The following XRN1 variants were observed in gnomAD, a reference collection of about 807,000 sequenced individuals.
The protein encoded by XRN1 is strand-exchange protein 1 homolog.
A neutral mutation model predicts 222.3 loss-of-function variants in XRN1; 67 were observed. The observed-to-expected ratio is 0.30, with a 90% CI of 0.25 to 0.37. The LOEUF (loss-of-function observed/expected upper bound fraction) is 0.37. Among genes scored for constraint, XRN1 ranks in the 10% least tolerant of loss-of-function variants. The pLI, the probability that XRN1 is intolerant of heterozygous loss-of-function variation, is 1.00. For missense variants in XRN1, 1,707 were observed against 2,000.2 expected, an observed-to-expected ratio of 0.85 and a Z score of 2.80; for synonymous variants, 643 against 652.4, an observed-to-expected ratio of 0.99 and a Z score of 0.22.
At chr3:142,358,054 C>A (rs1249080587) in intron 30 of XRN1, among the ~76,000 whole-genome samples, 1 of 151,808 alleles carries the variant, frequency 6.6e-6, no homozygotes, top group East Asian at 1.9e-4. Flanking sequence ...CAAAATACAA[C>A]AACAAAAACA....
chr3:142,318,669 A>G lies in XRN1; in HGVS notation c.4544T>C (p.Leu1515Ser), dbSNP rs776102886. ...QLGSLGMNFPLPSQVFANYPS... is the reference protein window; with the variant it reads ...QLGSLGMNFPSPSQVFANYPS... ...ATAATTTGCAAATACTTGTGAAGGCAAAGGGAAATTCATGCCTAAGGAGCC... is the reference window on the plus strand; with the variant it reads ...ATAATTTGCAAATACTTGTGAAGGCGAAGGGAAATTCATGCCTAAGGAGCC... Residue 1515 changes from leucine (L) to serine (S), a missense_variant, in exon 39 of 41, where the codon TTG becomes TCG. Coordinates refer to ENST00000392981, the MANE Select transcript of XRN1 (RefSeq NM_001282857.2). 5 of 1,609,652 alleles carry G rather than the reference A, an allele frequency of 3.1e-6. No homozygotes were observed. The highest frequency in any genetic ancestry group is 4.2e-6 in the Non-Finnish European group (5 of 1,178,172).
rs1371932585 is a variant in XRN1 at position 142,332,461 on chromosome 3, T to C, written c.4136A>G (p.Lys1379Arg). The C allele has an allele frequency of 1.2e-6, 2 of 1,613,524 alleles. No homozygotes were observed. Among genetic ancestry groups the C allele is most frequent in the Non-Finnish European group, 8.5e-7 (1 of 1,179,604 alleles). The change falls in exon 36 of 41, where the codon AAA becomes AGA. Residue 1379 changes from lysine (K) to arginine (R), a missense_variant. Lys to Arg is a conservative substitution (Grantham distance 26). Around this residue, in one of 2 missense-constraint regions of XRN1, gnomAD observed 473 missense variants for 482.0 expected, o/e 0.98. Transcript: ENST00000392981. ...SNTVDHKNEI[K>R]QIANEIPVSS... ...AACAGGGATTTCATTAGCAATCTGT[T>C]TGATTTCATTCTTATGGTCCACAGT...
chr3:142,423,217 G>A (rs2069111016), intron 6 of XRN1, among the ~76,000 whole-genome samples: 1 of 152,072 alleles, frequency 6.6e-6, no homozygotes, highest in Admixed American at 6.5e-5. Context: ...CTGAGATCTG[G>A]CCCATTTAAG....
chr3:142,384,258 C>A lies in XRN1; in HGVS notation c.2502+265G>T, dbSNP rs535668509. Among the ~76,000 whole-genome samples, 36 of 136,226 alleles carry A rather than the reference C, an allele frequency of 2.6e-4. 1 individual carries two copies. The South Asian group carries it at 7.6e-3, about 29-fold the overall frequency. 89.4% of individuals were successfully genotyped at this position (136,226 alleles called of 152,430 possible). On this transcript the variant is annotated intron_variant, in intron 21 of 40. Transcript: ENST00000392981. The stretch of plus-strand genomic sequence containing the variant: ...CTGCACTCCAGCCCGGGCAACAGAG[C>A]GAGACTCTGTCTCAAAAAAAAAAAA...
chr3:142,437,804 G>T lies in XRN1; in HGVS notation c.76-4911C>A, dbSNP rs564851014. On this transcript the variant is annotated intron_variant, in intron 1 of 40. Coordinates refer to ENST00000392981, the MANE Select transcript of XRN1 (RefSeq NM_001282857.2). ...ATTTGCAAACTACTCACCTGACAAG[G>T]GATTAATAATCAGAATATACAACGA... Among the ~76,000 whole-genome samples, 15 of 152,076 alleles carry T rather than the reference G, an allele frequency of 9.9e-5. No homozygotes were observed. In the South Asian group the frequency reaches 3.1e-3, roughly 32 times the overall value.
chr3:142,343,303 A>C (rs371575093), intron 33 of XRN1, among the ~76,000 whole-genome samples: 17 of 151,956 alleles, frequency 1.1e-4, no homozygotes, highest in African/African-American at 3.9e-4. Context: ...AAAATACAAA[A>C]ACTAGCCAGG....
At position 142,447,305 on chromosome 3, in the gene XRN1, C is replaced by G. The variant is rs1207667821; in HGVS notation, c.75+565G>C. 6.6e-6 allele frequency among the ~76,000 whole-genome samples: 1 copy of G among 152,216 alleles called. No homozygotes were observed. The highest frequency in any genetic ancestry group is 2.4e-5 in the African/African-American group (1 of 41,462). On this transcript the variant is annotated intron_variant, in intron 1 of 40. Transcript: ENST00000392981. The surrounding 1 kb of genome is among the most constrained non-coding windows in gnomAD (Gnocchi z 4.2). The stretch of plus-strand genomic sequence containing the variant: ...TTGTTTTGGCAACAGGGGATTGGTG[C>G]TGCTTTTGAAATAACAGAAAGTAAC...
chr3:142,425,258 G>A lies in XRN1; in HGVS notation c.591C>T (p.Asn197=), dbSNP rs531276136. Reference sequence around the variant, plus strand: ...CTAAACCATAAAGACAGTGTCTGGTGTTTGGATCATGATCTGGCTTTGCTT... The same window carrying A: ...CTAAACCATAAAGACAGTGTCTGGTATTTGGATCATGATCTGGCTTTGCTT... ...SEKAKPDHDP[N]TRHCLYGLDA... Residue 197 remains asparagine, a synonymous_variant, in exon 5 of 41, where the codon AAC becomes AAT. Transcript: ENST00000392981. 9 of 1,605,866 alleles carry A rather than the reference G, an allele frequency of 5.6e-6. No homozygotes were observed. In the South Asian group the frequency reaches 9.0e-5, roughly 16 times the overall value.
intron 34 of XRN1, 146 bp downstream of exon 34, chr3:142,335,302 G>T: frequency 1.4e-6 from 1 of 698,600 alleles, no homozygotes; most frequent in Non-Finnish European, 2.5e-6. Flanking sequence ...TCCCATCCAA[G>T]TGACTGTCAG....
chr3:142,379,098 TA>T (rs372092982), intron 23 of XRN1, among the ~76,000 whole-genome samples: 695 of 135,850 alleles, frequency 5.1e-3, no homozygotes, highest in Non-Finnish European at 4.8e-3. Flanking sequence ...CCATCTCTAC[TA>T]AAAAAAAAAA....
chr3:142,414,871 T>C (rs1407715349), intron 13 of XRN1, among the ~76,000 whole-genome samples: 1 of 152,226 alleles, frequency 6.6e-6, no homozygotes, highest in Non-Finnish European at 1.5e-5. Context: ...ACACGTATAA[T>C]GTAATGCTTT....
chr3:142,390,220 C>T (rs1406164734), intron 20 of XRN1, among the ~76,000 whole-genome samples: 1 of 152,218 alleles, frequency 6.6e-6, no homozygotes, highest in Non-Finnish European at 1.5e-5. Flanking sequence ...TTGCACTTTT[C>T]CCTAACAAGA....
In XRN1 at chr3:142,376,554, C is replaced by A. The variant is rs1202944385; in HGVS notation, c.2756G>T (p.Ser919Ile). Residue 919 changes from serine (S) to isoleucine (I), a missense_variant, in exon 24 of 41, where the codon AGT (serine) becomes ATT (isoleucine). Transcript: ENST00000392981. ...AAGGTATCCACTCACTCCAAGGCGA[C>A]TGGCCAACACATATCCTGGGTTGTA... ...IKYNPGYVLA[S>I]RLGVSGYLVS... 1.2e-6 allele frequency: 2 copies of A among 1,613,230 alleles called. No homozygotes were observed. The highest frequency in any genetic ancestry group is 2.2e-5 in the South Asian group (2 of 91,024).
At chr3:142,421,271 T>TTA in intron 9 of XRN1, 118 bp from the exon 10 acceptor site, 1 of 1,072,764 alleles carries the variant, frequency 9.3e-7, no homozygotes, top group Non-Finnish European at 1.3e-6. Flanking sequence ...TGTTACTCTT[T>TTA]TATATATATG....
intron 2 of XRN1, among the ~76,000 whole-genome samples, chr3:142,431,855 A>AT (rs1304594568): frequency 8.0e-5 from 3 of 37,606 alleles, no homozygotes; most frequent in African/African-American, 5.5e-4. Flanking sequence ...AAATATATAT[A>AT]TTATATATAA....
chr3:142,342,444 A>C (rs12639042), intron 33 of XRN1, among the ~76,000 whole-genome samples: 116,861 of 152,058 alleles, frequency 0.77, 46,021 homozygotes, highest in African/African-American at 0.94. Context: ...AAAAACAATC[A>C]TAAAATTTAC....
At chr3:142,427,867 A>G (rs2069326944) in intron 2 of XRN1, among the ~76,000 whole-genome samples, 1 of 152,236 alleles carries the variant, frequency 6.6e-6, no homozygotes, top group African/African-American at 2.4e-5. Context: ...CAGCCTTGCT[A>G]CTAGCTTCAT....
intron 27 of XRN1, among the ~76,000 whole-genome samples, chr3:142,370,106 C>T (rs2066943785): frequency 6.7e-6 from 1 of 150,366 alleles, no homozygotes; most frequent in African/African-American, 2.4e-5. Flanking sequence ...GGATTATTAA[C>T]CTTATTCTCA....
intron 39 of XRN1, among the ~76,000 whole-genome samples, chr3:142,317,440 T>G (rs987157388): frequency 6.6e-6 from 1 of 152,194 alleles, no homozygotes; most frequent in African/African-American, 2.4e-5. Flanking sequence ...TACTCTATTC[T>G]TTTTTCATCT....
Sources: allele counts gnomAD v4.1 joint callset (sites outside exome capture counted in the v4.1 genomes callset), GRCh38; gene constraint gnomAD v4.1.1; regional missense constraint gnomAD v4.1.1; non-coding constraint Gnocchi (gnomAD v3.1); transcripts MANE v1.5; gene names NCBI Gene and HGNC (gene_info 2026-07-23, HGNC 2026-07-21).